The following GAB4 variants were observed in gnomAD, a reference collection of about 807,000 sequenced individuals.
GAB4 encodes GRB2-associated-binding protein 4.
A neutral mutation model predicts 51.3 loss-of-function variants in GAB4; 26 were observed. That is an observed-to-expected ratio of 0.51 (90% CI 0.37 to 0.70). The LOEUF (loss-of-function observed/expected upper bound fraction) is 0.70, where lower values mean the gene tolerates loss of function less well. GAB4 is among the 30% of genes least tolerant of loss of function. The probability of loss-of-function intolerance (pLI) is 0.00; values close to 1 mark genes in which losing one functional copy is unlikely to be tolerated. For missense variants in GAB4, 759 were observed against 734.6 expected, an observed-to-expected ratio of 1.03 and a Z score of -0.38; for synonymous variants, 329 against 291.2, an observed-to-expected ratio of 1.13 and a Z score of -1.32.
intron 5 of GAB4, 39 bp from the exon 6 acceptor site, chr22:16,966,403 G>C: frequency 6.3e-7 from 1 of 1,584,240 alleles, no homozygotes; most frequent in Non-Finnish European, 8.6e-7. Flanking sequence ...GCTATCACCA[G>C]CAAGAACAAG....
At chr22:16,981,925 T>C (rs982397953) in intron 3 of GAB4, among the ~76,000 whole-genome samples, 2 of 152,186 alleles carry the variant, frequency 1.3e-5, no homozygotes, top group Non-Finnish European at 1.5e-5. Flanking sequence ...GAAATGAACA[T>C]GATACACCAC....
intron 1 of GAB4, among the ~76,000 whole-genome samples, chr22:16,997,829 A>G (rs1486561396): frequency 3.3e-5 from 5 of 151,878 alleles, no homozygotes; most frequent in African/African-American, 2.4e-5. Flanking sequence ...TGTATAAGGT[A>G]CAAGGAAGGG....
chr22:16,999,831 G>A (rs1444003574), intron 1 of GAB4, among the ~76,000 whole-genome samples: 1 of 152,136 alleles, frequency 6.6e-6, no homozygotes, highest in Non-Finnish European at 1.5e-5. Flanking sequence ...AGAGCTTCTG[G>A]TATGTTGTGC....
chr22:17,000,133 G>C (rs1371175894), intron 1 of GAB4, among the ~76,000 whole-genome samples: 1 of 152,200 alleles, frequency 6.6e-6, no homozygotes, highest in Non-Finnish European at 1.5e-5. Context: ...TTGGGGTGGA[G>C]AGTTCTGTAG....
chr22:16,966,375 G>A lies in GAB4; in HGVS notation c.1024-11C>T, dbSNP rs766753415. 19 of 1,604,318 alleles carry A rather than the reference G, an allele frequency of 1.2e-5. No individual in the cohort carries two copies. The highest frequency in any genetic ancestry group is 1.6e-5 in the Non-Finnish European group (19 of 1,173,482). ...AAGCGTTCTTCCTGGCTAGGAAGAGGACAGTGAAAGAAACACAGCTATCAC... is the reference window on the plus strand; with the variant it reads ...AAGCGTTCTTCCTGGCTAGGAAGAGAACAGTGAAAGAAACACAGCTATCAC... On this transcript the variant is annotated splice_polypyrimidine_tract_variant and intron_variant, in intron 5 of 9. Transcript: ENST00000400588.
intron 1 of GAB4, among the ~76,000 whole-genome samples, chr22:17,002,249 G>A (rs1450714756): frequency 6.6e-6 from 1 of 152,148 alleles, no homozygotes; most frequent in East Asian, 1.9e-4. Flanking sequence ...GCTGTAGACT[G>A]GAGCTGTTCC....
At chr22:16,970,346 G>A (rs1360156550) in intron 3 of GAB4, among the ~76,000 whole-genome samples, 153 bp from the exon 4 acceptor site, 1 of 152,168 alleles carries the variant, frequency 6.6e-6, no homozygotes, top group African/African-American at 2.4e-5. Flanking sequence ...TGTCTAGTTT[G>A]GGAGTTTACT....
chr22:16,982,768 T>C (rs758875343), intron 3 of GAB4, among the ~76,000 whole-genome samples: 5 of 152,134 alleles, frequency 3.3e-5, no homozygotes, highest in Non-Finnish European at 7.4e-5. Context: ...AAGCTGAGTG[T>C]TGGGAAAAAA....
At chr22:16,998,488 T>C (rs1055100953) in intron 1 of GAB4, among the ~76,000 whole-genome samples, 2 of 152,240 alleles carry the variant, frequency 1.3e-5, no homozygotes, top group Non-Finnish European at 2.9e-5. Context: ...TTTTTGCACA[T>C]TGATTTTGTA....
At chr22:16,987,463 T>G (rs2060877306) in intron 3 of GAB4, among the ~76,000 whole-genome samples, 1 of 152,240 alleles carries the variant, frequency 6.6e-6, no homozygotes, top group African/African-American at 2.4e-5. Context: ...AGCATTTGAC[T>G]TGTGGCTACT....
At chr22:16,992,297 CG>C in intron 1 of GAB4, 121 bp from the exon 2 acceptor site, 1 of 829,322 alleles carries the variant, frequency 1.2e-6, no homozygotes, top group Non-Finnish European at 1.9e-6. Context: ...GTCTCCCTTT[CG>C]GATTTCCCCA....
chr22:16,987,238 G>A (rs1184226194), intron 3 of GAB4, among the ~76,000 whole-genome samples: 1 of 152,194 alleles, frequency 6.6e-6, no homozygotes, highest in Non-Finnish European at 1.5e-5. Context: ...TAGCAACTGA[G>A]CACCAGCTCT....
chr22:16,962,499 G>T lies in GAB4; in HGVS notation c.*234C>A. On this transcript the variant is annotated 3_prime_UTR_variant, in exon 10 of 10. Coordinates refer to ENST00000400588, the MANE Select transcript of GAB4 (RefSeq NM_001037814.1). ...AAATCTGTTGGGAGCCCGGGTCTGAGGGGCAGGAAGAGACTGAGGATGCTT... is the reference window on the plus strand; with the variant it reads ...AAATCTGTTGGGAGCCCGGGTCTGATGGGCAGGAAGAGACTGAGGATGCTT... 2.6e-6 allele frequency: 1 copy of T among 383,928 alleles called. No individual in the cohort carries two copies. The highest frequency in any genetic ancestry group is 4.7e-6 in the Non-Finnish European group (1 of 215,038). The allele number at this position is 383,928 out of a possible 1,614,324, so 23.8% of individuals were successfully genotyped here. A position where few individuals can be genotyped will look rare whatever the true frequency, so the allele number is the denominator to read the frequency against.
chr22:16,988,790 G>C (rs972788277), intron 2 of GAB4, among the ~76,000 whole-genome samples: 1 of 152,172 alleles, frequency 6.6e-6, no homozygotes, highest in Non-Finnish European at 1.5e-5. Context: ...CCTGTTTCCT[G>C]CTTTCCTATA....
intron 3 of GAB4, among the ~76,000 whole-genome samples, chr22:16,973,491 T>C (rs1437898958): frequency 2.0e-5 from 3 of 152,128 alleles, no homozygotes; most frequent in Non-Finnish European, 4.4e-5. Context: ...CTGCCCCAGG[T>C]CCCTTACTCC....
intron 5 of GAB4, 33 bp from the exon 6 acceptor site, chr22:16,966,397 T>C (rs755478881): frequency 2.1e-5 from 34 of 1,591,658 alleles, no homozygotes; most frequent in Middle Eastern, 1.7e-4. Flanking sequence ...AACACAGCTA[T>C]CACCAGCAAG....
chr22:16,996,129 C>T (rs2060947454), intron 1 of GAB4, among the ~76,000 whole-genome samples: 1 of 151,054 alleles, frequency 6.6e-6, no homozygotes, highest in Non-Finnish European at 1.5e-5. Context: ...TTCATGAAGC[C>T]GAAAGAGACA....
intron 1 of GAB4, among the ~76,000 whole-genome samples, chr22:16,996,801 T>G: frequency 8.4e-6 from 1 of 118,420 alleles, no homozygotes; most frequent in Admixed American, 9.2e-5. Flanking sequence ...CCTAATGATA[T>G]CCCTCCCCCC....
chr22:16,993,154 G>A (rs1481069721), intron 1 of GAB4, among the ~76,000 whole-genome samples: 2 of 152,094 alleles, frequency 1.3e-5, no homozygotes, highest in African/African-American at 4.8e-5. Flanking sequence ...CAACAAGACT[G>A]AGTGATCCAT....
Sources: gnomAD v4.1 joint callset for allele counts (sites outside exome capture counted in the v4.1 genomes callset) on GRCh38, gnomAD v4.1.1 for gene constraint, MANE v1.5 for transcripts, NCBI Gene and HGNC (gene_info 2026-07-23, HGNC 2026-07-21) for gene names.